TLE1: variants seen among roughly 807,000 people sequenced by gnomAD.
TLE1 encodes TLE family member 1, transcriptional corepressor.
Under a neutral mutation model 89.8 loss-of-function variants are expected in TLE1, and 21 were observed. That is an observed-to-expected ratio of 0.23 (90% CI 0.17 to 0.34). The LOEUF (loss-of-function observed/expected upper bound fraction) is 0.34. Ranked by LOEUF, TLE1 falls within the 10% of genes least tolerant of loss-of-function variation. The probability of loss-of-function intolerance (pLI) is 1.00; values close to 1 mark genes in which losing one functional copy is unlikely to be tolerated. For missense variants in TLE1, 795 were observed against 1,031.2 expected, an observed-to-expected ratio of 0.77 and a Z score of 3.14; for synonymous variants, 447 against 407.6, an observed-to-expected ratio of 1.10 and a Z score of -1.16.
At chr9:81,638,307 C>G (rs1319359176) in intron 6 of TLE1, among the ~76,000 whole-genome samples, 2 of 152,210 alleles carry the variant, frequency 1.3e-5, no homozygotes, top group Non-Finnish European at 2.9e-5. Context: ...ACAGTGCTGG[C>G]TCTGGCTTTT....
At chr9:81,603,776 T>A (rs1402708886) in intron 14 of TLE1, among the ~76,000 whole-genome samples, 1 of 152,036 alleles carries the variant, frequency 6.6e-6, no homozygotes, top group Non-Finnish European at 1.5e-5. Flanking sequence ...CCAAGGTGGG[T>A]GGATCACCTG....
intron 8 of TLE1, among the ~76,000 whole-genome samples, chr9:81,622,845 A>C (rs951383844): frequency 2.0e-5 from 3 of 152,114 alleles, no homozygotes; most frequent in South Asian, 2.1e-4. Context: ...TGTGGGCTGG[A>C]AAGGCCCAGA....
At chr9:81,658,113 T>C (rs1370328178) in intron 4 of TLE1, among the ~76,000 whole-genome samples, 1 of 151,936 alleles carries the variant, frequency 6.6e-6, no homozygotes, top group Non-Finnish European at 1.5e-5. Flanking sequence ...GGTTTCACCA[T>C]GTAGAACAGG....
chr9:81,613,723 C>T (rs1254204493), intron 11 of TLE1, among the ~76,000 whole-genome samples: 1 of 152,044 alleles, frequency 6.6e-6, no homozygotes, highest in African/African-American at 2.4e-5. Context: ...AAAACTCGAG[C>T]TAGAGACACA....
At position 81,689,496 on chromosome 9, in the gene TLE1, A is replaced by AGCCGCCGCTCCC. The variant is rs925995875; in HGVS notation, c.-1268_-1257dup. ...CTGTTTCTGCTGCTGCTGCTTCTGCAGCCGCCGCTCCCACCGCCGCCGCCG... is the reference window on the plus strand; with the variant it reads ...CTGTTTCTGCTGCTGCTGCTTCTGCAGCCGCCGCTCCCGCCGCCGCTCCCACCGCCGCCGCCG... On this transcript the variant is annotated 5_prime_UTR_variant, in exon 1 of 20. Transcript: ENST00000376499. 6.6e-6 allele frequency among the ~76,000 whole-genome samples: 1 copy of AGCCGCCGCTCCC among 151,918 alleles called. No homozygotes were observed. The highest frequency in any genetic ancestry group is 2.4e-5 in the African/African-American group (1 of 41,344).
chr9:81,685,180 A>G, intron 4 of TLE1, among the ~76,000 whole-genome samples: 1 of 149,564 alleles, frequency 6.7e-6, no homozygotes, highest in Non-Finnish European at 1.5e-5. Flanking sequence ...TAAGCCACTA[A>G]TCCTGACTAT....
chr9:81,633,315 G>GTT (rs1826936134), intron 8 of TLE1, 33 bp downstream of exon 8: 1 of 1,442,754 alleles, frequency 6.9e-7, no homozygotes, highest in African/African-American at 1.9e-5. Flanking sequence ...GTGTGTGTGT[G>GTT]TGTGTGTGTG....
intron 4 of TLE1, among the ~76,000 whole-genome samples, chr9:81,660,377 T>C (rs903015472): frequency 6.6e-6 from 1 of 152,044 alleles, no homozygotes; most frequent in South Asian, 2.1e-4. Flanking sequence ...TTGGTAAGTA[T>C]AAAATTCATG....
intron 6 of TLE1, among the ~76,000 whole-genome samples, 192 bp from the exon 7 acceptor site, chr9:81,634,493 G>C (rs1827127471): frequency 6.6e-6 from 1 of 152,082 alleles, no homozygotes; most frequent in African/African-American, 2.4e-5. Context: ...AATGCGATTA[G>C]TGCTTTCAGT....
In TLE1 at chr9:81,593,028, A is replaced by G; in HGVS notation, c.1578T>C (p.Cys526=). The G allele has an allele frequency of 6.2e-7, 1 of 1,612,280 alleles. No homozygotes were observed. ...GNKSPVSQLD[C]LNRDNYIRSC... is the part of the protein sequence containing the mutation. ...GCACCAGTTCCTGTTCACTCACCAG[A>G]CAGTCGAGCTGGGAGACAGGGCTCT... is the stretch of plus-strand genomic sequence containing the variant. Residue 526 remains cysteine (C), a synonymous_variant, in exon 15 of 20, where the codon TGT becomes TGC. Coordinates refer to ENST00000376499, the MANE Select transcript of TLE1 (RefSeq NM_005077.5).
intron 2 of TLE1, 122 bp downstream of exon 2, chr9:81,687,212 C>T: frequency 1.3e-6 from 1 of 761,728 alleles, no homozygotes; most frequent in Non-Finnish European, 2.2e-6. Flanking sequence ...CAGGTCTTAA[C>T]TGAGACTCCA....
intron 6 of TLE1, among the ~76,000 whole-genome samples, chr9:81,644,385 T>C (rs1236966895): frequency 1.3e-5 from 2 of 152,120 alleles, no homozygotes; most frequent in Admixed American, 1.3e-4. Context: ...TAATTGTCAA[T>C]AAAAAGGACT....
intron 14 of TLE1, among the ~76,000 whole-genome samples, chr9:81,605,289 G>A (rs1831488929): frequency 6.6e-6 from 1 of 152,192 alleles, no homozygotes; most frequent in African/African-American, 2.4e-5. Context: ...TTTGCAGTGA[G>A]ATGAGTGCAG....
chr9:81,614,461 G>A (rs1257842862), intron 11 of TLE1, among the ~76,000 whole-genome samples: 1 of 152,136 alleles, frequency 6.6e-6, no homozygotes, highest in Non-Finnish European at 1.5e-5. Flanking sequence ...GGGTTACAGG[G>A]CACCTTCTCT....
chr9:81,649,505 A>C (rs1204318260), intron 6 of TLE1, among the ~76,000 whole-genome samples: 1 of 152,226 alleles, frequency 6.6e-6, no homozygotes, highest in East Asian at 1.9e-4. Flanking sequence ...GGGAATGAGA[A>C]TGTTTCGGCT....
chr9:81,682,030 G>C (rs906676314), intron 4 of TLE1, among the ~76,000 whole-genome samples: 3 of 151,998 alleles, frequency 2.0e-5, no homozygotes, highest in African/African-American at 7.3e-5. Context: ...TGGATCACTT[G>C]AGGTCAGGAG....
intron 14 of TLE1, chr9:81,600,138 A>G (rs1830722225): frequency 1.4e-6 from 1 of 730,416 alleles, no homozygotes; most frequent in Non-Finnish European, 2.5e-6. Context: ...AAAGATACAA[A>G]TGGAGAAATT....
chr9:81,633,429 AT>A, intron 7 of TLE1, 65 bp from the exon 8 acceptor site: 1 of 1,612,578 alleles, frequency 6.2e-7, no homozygotes, highest in Non-Finnish European at 8.5e-7. Flanking sequence ...AAGAACAGAA[AT>A]AAAAAAAAGG....
intron 4 of TLE1, among the ~76,000 whole-genome samples, chr9:81,654,554 G>C (rs554584678): frequency 1.3e-5 from 2 of 152,244 alleles, no homozygotes; most frequent in East Asian, 3.9e-4. Flanking sequence ...TGTTAGCCAG[G>C]ATGGTCTCGA....
Sources: gnomAD v4.1 joint callset for allele counts (sites outside exome capture counted in the v4.1 genomes callset) on GRCh38, gnomAD v4.1.1 for gene constraint, MANE v1.5 for transcripts, NCBI Gene and HGNC (gene_info 2026-07-23, HGNC 2026-07-21) for gene names.